Variants in UGT1A8 observed in about 807,000 individuals in gnomAD.
UGT1A8 encodes UDP-glucuronosyltransferase 1A8.
UGT1A8 carries 39 observed loss-of-function variants against 45.3 expected under a neutral mutation model. That is an observed-to-expected ratio of 0.86 (90% CI 0.67 to 1.12). The LOEUF (loss-of-function observed/expected upper bound fraction) is 1.12, where lower values mean the gene tolerates loss of function less well. UGT1A8 is among the 50% of genes most tolerant of loss of function. The pLI, the probability that UGT1A8 is intolerant of heterozygous loss-of-function variation, is 0.00. For missense variants in UGT1A8, 719 were observed against 664.9 expected (o/e 1.08, Z -0.90); for synonymous variants, 275 against 249.2 (o/e 1.10, Z -0.97).
intron 1 of UGT1A8, chr2:233,708,678 G>A (rs935708271): frequency 6.6e-6 from 1 of 152,188 alleles, no homozygotes; most frequent in African/African-American, 2.4e-5. Flanking sequence ...TTGAGCCCAG[G>A]AGTTCAAGGT....
Position 233,769,857 on chromosome 2 carries a change from C to CTAA in UGT1A8, c.1295+1418_1295+1419insTAA. Reference sequence around the variant, plus strand: ...TGGGCAACAGAGTGAGACCCTGTCTCAAAAAAAAAAAAAAAAATGAAAAGT... The same window carrying CTAA: ...TGGGCAACAGAGTGAGACCCTGTCTCTAAAAAAAAAAAAAAAAAAATGAAAAGT... On this transcript the variant is annotated intron_variant, in intron 4 of 4. Coordinates refer to ENST00000373450, the MANE Select transcript of UGT1A8 (RefSeq NM_019076.5). This position sits in a 1 kb window ranked among gnomAD's most constrained non-coding sequence, Gnocchi z 4.4. 4.5e-6 allele frequency: 1 copy of CTAA among 223,668 alleles called. No homozygotes were observed. Among genetic ancestry groups the CTAA allele is most frequent in the Non-Finnish European group, 8.0e-6 (1 of 125,120 alleles). The allele number at this position is 223,668 out of a possible 1,614,324, so 13.9% of individuals were successfully genotyped here.
chr2:233,663,210 AT>A (rs1422743486), intron 1 of UGT1A8, among the ~76,000 whole-genome samples: 2 of 152,194 alleles, frequency 1.3e-5, no homozygotes, highest in African/African-American at 4.8e-5. Context: ...CAGAGTCAAT[AT>A]AACAAGACAG....
At chr2:233,688,834 G>A (rs560927921) in intron 1 of UGT1A8, among the ~76,000 whole-genome samples, 54 of 152,250 alleles carry the variant, frequency 3.5e-4, no homozygotes, top group African/African-American at 1.2e-3. Context: ...TGAAAGAAAA[G>A]GATGTAAAGA....
intron 1 of UGT1A8, among the ~76,000 whole-genome samples, chr2:233,625,390 G>C (rs1025643412): frequency 6.6e-6 from 1 of 151,980 alleles, no homozygotes; most frequent in Non-Finnish European, 1.5e-5. Flanking sequence ...TTGGAGATTT[G>C]ACAAAGAAGT....
intron 1 of UGT1A8, chr2:233,719,459 C>G (rs758684998): frequency 1.9e-6 from 3 of 1,613,896 alleles, no homozygotes. Flanking sequence ...GGGTCAAGAA[C>G]ATGCTCTACC....
intron 4 of UGT1A8, chr2:233,771,576 T>C (rs1332686610): frequency 6.6e-6 from 1 of 152,308 alleles, no homozygotes; most frequent in Admixed American, 6.5e-5. Flanking sequence ...GGTGGTTGTT[T>C]ACAACTTCAA....
In UGT1A8 at chr2:233,772,555, A is replaced by C. The variant is rs1350310639; in HGVS notation, c.1589A>C (p.His530Pro). 3 of 1,613,990 alleles carry C rather than the reference A, an allele frequency of 1.9e-6. No homozygotes were observed. Among genetic ancestry groups the C allele is most frequent in the East Asian group, 4.5e-5 (2 of 44,878 alleles). Residue 530 changes from histidine (H) to proline (P), a missense_variant, in exon 5 of 5, where the codon CAT becomes CCT. By Grantham distance (77) the His-to-Pro change is moderately conservative (BLOSUM62 -2). Coordinates refer to ENST00000373450, the MANE Select transcript of UGT1A8 (RefSeq NM_019076.5). ...AAGAAAGCCCACAAATCCAAGACCCATTGAGAAGTGGGTGGGAAATAAGGT... is the reference window on the plus strand; with the variant it reads ...AAGAAAGCCCACAAATCCAAGACCCCTTGAGAAGTGGGTGGGAAATAAGGT... Reference protein sequence around the residue: ...RVKKAHKSKTH With the variant: ...RVKKAHKSKTP
At chr2:233,684,489 A>T (rs1035081818) in intron 1 of UGT1A8, among the ~76,000 whole-genome samples, 1 of 152,168 alleles carries the variant, frequency 6.6e-6, no homozygotes, top group African/African-American at 2.4e-5. Flanking sequence ...TCAAAGGGTC[A>T]CCCAAAGGGA....
Position 233,760,797 on chromosome 2 carries a change from C to A in UGT1A8, c.856-6237C>A, listed in dbSNP as rs780028785. 1.9e-6 allele frequency: 3 copies of A among 1,613,492 alleles called. No individual in the cohort carries two copies. The highest frequency in any genetic ancestry group is 1.1e-5 in the South Asian group (1 of 91,076). The stretch of plus-strand genomic sequence containing the variant: ...AGTACCTGTCTCTGCCCACTGTATT[C>A]TTCTTGCATGCACTGCCATGCAGCC... On this transcript the variant is annotated intron_variant, in intron 1 of 4. Coordinates refer to ENST00000373450, the MANE Select transcript of UGT1A8 (RefSeq NM_019076.5).
At chr2:233,734,353 G>A (rs1251475810) in intron 1 of UGT1A8, among the ~76,000 whole-genome samples, 8 of 152,136 alleles carry the variant, frequency 5.3e-5, no homozygotes, top group Non-Finnish European at 1.2e-4. Flanking sequence ...TTGTATTTCT[G>A]TGGGATCGGT....
chr2:233,765,890 G>A lies in UGT1A8; in HGVS notation c.856-1144G>A, dbSNP rs114846960. ...CGGGAGGGGCTCACTTTCTCAGTGC[G>A]CCACTGCTCAAACCTCTAGGGGAGC... On this transcript the variant is annotated intron_variant, in intron 1 of 4. Coordinates refer to ENST00000373450, the MANE Select transcript of UGT1A8 (RefSeq NM_019076.5). Among the ~76,000 whole-genome samples, 153 of 152,130 alleles carry A rather than the reference G, an allele frequency of 1.0e-3. 1 individual carries two copies. The highest frequency in any genetic ancestry group is 3.4e-3 in the African/African-American group (143 of 41,508).
At chr2:233,704,879 A>G (rs1317470741) in intron 1 of UGT1A8, among the ~76,000 whole-genome samples, 2 of 152,172 alleles carry the variant, frequency 1.3e-5, no homozygotes, top group African/African-American at 4.8e-5. Context: ...CACTCCTGTA[A>G]TCCCAGCACT....
At chr2:233,666,638 AT>A (rs949681151) in intron 1 of UGT1A8, among the ~76,000 whole-genome samples, 63 of 151,272 alleles carry the variant, frequency 4.2e-4, no homozygotes, top group African/African-American at 1.4e-3. Context: ...GTTTGTTTTT[AT>A]TTTTTTATTT....
At chr2:233,766,924 A>T (rs985684086) in intron 1 of UGT1A8, 110 bp from the exon 2 acceptor site, 2 of 1,565,450 alleles carry the variant, frequency 1.3e-6, no homozygotes, top group East Asian at 4.5e-5. Context: ...TCAAACACGC[A>T]TGCCTTTAAT....
intron 1 of UGT1A8, chr2:233,755,206 C>T (rs1478561208): frequency 9.3e-7 from 1 of 1,072,996 alleles, no homozygotes; most frequent in Non-Finnish European, 1.3e-6. Flanking sequence ...TTGCGGTACG[C>T]CTTCTTGATA....
intron 1 of UGT1A8, among the ~76,000 whole-genome samples, chr2:233,756,923 C>T (rs1696357970): frequency 1.3e-5 from 2 of 151,968 alleles, no homozygotes; most frequent in South Asian, 4.2e-4. Context: ...GTTTATATAA[C>T]CTCTAGTTAC....
chr2:233,634,130 T>C (rs1223838261), intron 1 of UGT1A8, among the ~76,000 whole-genome samples: 1 of 152,230 alleles, frequency 6.6e-6, no homozygotes, highest in African/African-American at 2.4e-5. Context: ...TGAGTGAGTT[T>C]CTTAATCCCG....
intron 1 of UGT1A8, among the ~76,000 whole-genome samples, chr2:233,668,670 C>T (rs1428443965): frequency 6.6e-6 from 1 of 152,234 alleles, no homozygotes; most frequent in African/African-American, 2.4e-5. Flanking sequence ...ACACTCCCAC[C>T]AACAGGGTAA....
chr2:233,729,140 T>A (rs764216877), intron 1 of UGT1A8: 1 of 1,613,384 alleles, frequency 6.2e-7, no homozygotes, highest in Admixed American at 1.7e-5. Flanking sequence ...GCCACAGGAC[T>A]CCAGGTTCCC....
Sources: allele counts gnomAD v4.1 joint callset (sites outside exome capture counted in the v4.1 genomes callset), GRCh38; gene constraint gnomAD v4.1.1; non-coding constraint Gnocchi (gnomAD v3.1); transcripts MANE v1.5; gene names NCBI Gene and HGNC (gene_info 2026-07-23, HGNC 2026-07-21).